Variants in EBF2 observed in about 807,000 individuals in gnomAD.
The protein encoded by EBF2 is transcription factor COE2.
In EBF2, 21 loss-of-function variants were observed where a neutral mutation model predicts 72.8. That is an observed-to-expected ratio of 0.29 (90% CI 0.20 to 0.42). EBF2 has a LOEUF of 0.42. Ranked by LOEUF, EBF2 falls within the 10% of genes least tolerant of loss-of-function variation. EBF2 has a pLI of 1.00. For missense variants in EBF2, 637 were observed against 731.2 expected (o/e 0.87, Z 1.49); for synonymous variants, 299 against 274.2 (o/e 1.09, Z -0.89).
At chr8:25,931,647 A>G (rs1459934233) in intron 6 of EBF2, among the ~76,000 whole-genome samples, 1 of 152,188 alleles carries the variant, frequency 6.6e-6, no homozygotes, top group Non-Finnish European at 1.5e-5. Context: ...ACCTTCAAGT[A>G]GCAGCACTTA....
At chr8:25,909,664 C>T (rs375173399) in intron 6 of EBF2, among the ~76,000 whole-genome samples, 2 of 152,044 alleles carry the variant, frequency 1.3e-5, no homozygotes, top group African/African-American at 4.8e-5. Context: ...GTTCTCATTG[C>T]GACGTTCTGA....
At chr8:25,953,511 T>G (rs576630950) in intron 6 of EBF2, among the ~76,000 whole-genome samples, 3 of 152,322 alleles carry the variant, frequency 2.0e-5, no homozygotes, top group Non-Finnish European at 4.4e-5. Context: ...CCTCCCAGAA[T>G]GGGTGGTGGA....
intron 10 of EBF2, among the ~76,000 whole-genome samples, chr8:25,876,918 A>T (rs1802530547): frequency 6.6e-6 from 1 of 152,178 alleles, no homozygotes; most frequent in South Asian, 2.1e-4. Context: ...TAGATGACAG[A>T]TGTGATTACT....
chr8:25,857,563 A>AGGTAGGTTTGAAAAATGCACTCT (rs1802119731), intron 14 of EBF2, among the ~76,000 whole-genome samples: 2 of 152,246 alleles, frequency 1.3e-5, no homozygotes, highest in Admixed American at 1.3e-4. Context: ...AATATTCCCT[A>AGGTAGGTTTGAAAAATGCACTCT]GGTAGGTTTG....
At chr8:25,890,008 GT>G (rs1338482482) in intron 7 of EBF2, 139 bp from the exon 8 acceptor site, 2 of 700,330 alleles carry the variant, frequency 2.9e-6, no homozygotes, top group African/African-American at 3.6e-5. Context: ...ACTCAACAGA[GT>G]TTTCTCCTTC....
chr8:26,009,656 G>C (rs1025128815), intron 6 of EBF2, among the ~76,000 whole-genome samples: 1 of 152,208 alleles, frequency 6.6e-6, no homozygotes, highest in Non-Finnish European at 1.5e-5. Context: ...CGGCATCCGT[G>C]TGGTATCTAC....
At chr8:25,915,435 A>C (rs1442353829) in intron 6 of EBF2, among the ~76,000 whole-genome samples, 1 of 152,180 alleles carries the variant, frequency 6.6e-6, no homozygotes, top group East Asian at 1.9e-4. Flanking sequence ...AAGCAAACAA[A>C]TAAAAATGTC....
chr8:25,880,191 G>A (rs189808170), intron 10 of EBF2, among the ~76,000 whole-genome samples: 218 of 152,234 alleles, frequency 1.4e-3, no homozygotes, highest in Non-Finnish European at 2.3e-3. Context: ...AGGCCACGTA[G>A]AGCAAATATG....
At chr8:26,027,214 G>T (rs923434968) in intron 6 of EBF2, among the ~76,000 whole-genome samples, 1 of 152,100 alleles carries the variant, frequency 6.6e-6, no homozygotes, top group Non-Finnish European at 1.5e-5. Context: ...CCCACAAATC[G>T]CACTTCACTG....
At chr8:25,903,661 C>T (rs898163324) in intron 7 of EBF2, among the ~76,000 whole-genome samples, 19 of 152,104 alleles carry the variant, frequency 1.2e-4, no homozygotes, top group Non-Finnish European at 2.6e-4. Flanking sequence ...CGCGCCACTG[C>T]ACTCCAGCCT....
chr8:25,945,545 T>C lies in EBF2; in HGVS notation c.552-36990A>G, dbSNP rs574987065. 2.6e-5 allele frequency among the ~76,000 whole-genome samples: 4 copies of C among 152,012 alleles called. No individual in the cohort carries two copies. In the South Asian group the frequency reaches 8.3e-4, roughly 32 times the overall value. ...GTCTCTTGTCCCAAGTACCGATACATGGGAGGAATGGCATCATTCACACAG... is the reference window on the plus strand; with the variant it reads ...GTCTCTTGTCCCAAGTACCGATACACGGGAGGAATGGCATCATTCACACAG... On this transcript the variant is annotated intron_variant, in intron 6 of 15. Transcript: ENST00000520164.
At chr8:25,942,144 G>C (rs920591908) in intron 6 of EBF2, among the ~76,000 whole-genome samples, 10 of 152,168 alleles carry the variant, frequency 6.6e-5, no homozygotes, top group Non-Finnish European at 4.4e-5. Context: ...AAACACGCAG[G>C]GGGAAGCACA....
At chr8:25,983,266 A>T (rs572994961) in intron 6 of EBF2, among the ~76,000 whole-genome samples, 1 of 152,350 alleles carries the variant, frequency 6.6e-6, no homozygotes, top group East Asian at 1.9e-4. Flanking sequence ...TGCATCATTG[A>T]GTGTGAAAGT....
At chr8:25,862,625 A>G in intron 11 of EBF2, 84 bp downstream of exon 11, 1 of 1,060,080 alleles carries the variant, frequency 9.4e-7, no homozygotes, top group Non-Finnish European at 1.3e-6. Context: ...ATTAATTTTA[A>G]TGGGATGTAA....
At chr8:25,897,780 G>C (rs1043667206) in intron 7 of EBF2, among the ~76,000 whole-genome samples, 5 of 152,204 alleles carry the variant, frequency 3.3e-5, no homozygotes, top group African/African-American at 1.2e-4. Context: ...CATCTAGGTT[G>C]ATTCCATGTC....
intron 7 of EBF2, among the ~76,000 whole-genome samples, chr8:25,891,140 T>C (rs1026349005): frequency 2.6e-5 from 4 of 152,160 alleles, no homozygotes; most frequent in African/African-American, 7.2e-5. Flanking sequence ...GAATCATAGT[T>C]AACACAGGAA....
In EBF2 at chr8:25,844,481, G is replaced by C; in HGVS notation, c.*128C>G. 1 of 1,050,934 alleles carries C rather than the reference G, an allele frequency of 9.5e-7. No individual in the cohort carries two copies. Among genetic ancestry groups the C allele is most frequent in the Non-Finnish European group, 1.4e-6 (1 of 693,784 alleles). The allele number at this position is 1,050,934 out of a possible 1,614,324, so 65.1% of individuals were successfully genotyped here. Reference sequence around the variant, plus strand: ...GGACCAAGTAAGATGCTGGCTCCTTGCAGACCCAAGGGTGTCCATCATGTT... The same window carrying C: ...GGACCAAGTAAGATGCTGGCTCCTTCCAGACCCAAGGGTGTCCATCATGTT... On this transcript the variant is annotated 3_prime_UTR_variant, in exon 16 of 16. Coordinates refer to ENST00000520164, the MANE Select transcript of EBF2 (RefSeq NM_022659.4).
intron 6 of EBF2, among the ~76,000 whole-genome samples, chr8:25,919,103 G>A (rs1221718236): frequency 6.6e-6 from 1 of 152,178 alleles, no homozygotes; most frequent in Non-Finnish European, 1.5e-5. Context: ...CCTCTTTCAT[G>A]CTGGAGAGTG....
intron 6 of EBF2, among the ~76,000 whole-genome samples, chr8:25,953,476 T>A (rs1332575888): frequency 6.6e-6 from 1 of 151,746 alleles, no homozygotes; most frequent in Non-Finnish European, 1.5e-5. Flanking sequence ...ATGGATGGAG[T>A]GGTTGATTCC....
Sources: gnomAD v4.1 joint callset for allele counts (sites outside exome capture counted in the v4.1 genomes callset) on GRCh38, gnomAD v4.1.1 for gene constraint, MANE v1.5 for transcripts, NCBI Gene and HGNC (gene_info 2026-07-23, HGNC 2026-07-21) for gene names.